Variants in NECAB1 observed in about 807,000 individuals in gnomAD.
NECAB1 encodes the protein N-terminal EF-hand calcium binding protein 1, also known as N-terminal EF-hand calcium-binding protein 1.
Under a neutral mutation model 57.5 loss-of-function variants are expected in NECAB1, and 29 were observed. That is an observed-to-expected ratio of 0.50 (90% CI 0.38 to 0.69). The LOEUF (loss-of-function observed/expected upper bound fraction) is 0.69. NECAB1 is among the 30% of genes least tolerant of loss of function. The pLI is 0.00. For synonymous variants in NECAB1, 142 were observed against 147.7 expected (o/e 0.96, Z 0.28); for missense variants, 372 against 413.8 (o/e 0.90, Z 0.88).
At chr8:90,841,762 G>C (rs1281505994) in intron 3 of NECAB1, among the ~76,000 whole-genome samples, 2 of 152,194 alleles carry the variant, frequency 1.3e-5, no homozygotes, top group Non-Finnish European at 2.9e-5. Context: ...GATGAAAAAT[G>C]GGGAGGCGAC....
chr8:90,887,999 GTAA>G (rs1809050788), intron 5 of NECAB1, among the ~76,000 whole-genome samples: 2 of 152,146 alleles, frequency 1.3e-5, no homozygotes, highest in Non-Finnish European at 2.9e-5. Flanking sequence ...GTCCCTATTA[GTAA>G]TCATTTTTTT....
intron 5 of NECAB1, among the ~76,000 whole-genome samples, chr8:90,893,582 T>C (rs1377605678): frequency 6.6e-6 from 1 of 152,140 alleles, no homozygotes; most frequent in Admixed American, 6.5e-5. Flanking sequence ...GGAGCAGATT[T>C]CTTGAATACA....
chr8:90,798,801 T>C (rs916694711), intron 1 of NECAB1, among the ~76,000 whole-genome samples: 2 of 152,198 alleles, frequency 1.3e-5, no homozygotes, highest in Non-Finnish European at 2.9e-5. Context: ...TTTATTTACT[T>C]TTGAATATAT....
intron 5 of NECAB1, among the ~76,000 whole-genome samples, chr8:90,895,824 A>C (rs920320433): frequency 5.3e-5 from 8 of 152,228 alleles, no homozygotes; most frequent in Non-Finnish European, 4.4e-5. Context: ...TCTGTACAAT[A>C]GATCTGTGGC....
chr8:90,838,783 A>G (rs1812410391), intron 3 of NECAB1, among the ~76,000 whole-genome samples: 1 of 152,210 alleles, frequency 6.6e-6, no homozygotes, highest in Admixed American at 6.5e-5. Flanking sequence ...AATACCTGCT[A>G]TAATCTATAT....
intron 2 of NECAB1, among the ~76,000 whole-genome samples, chr8:90,801,990 T>TGA (rs1811765417): frequency 6.6e-6 from 1 of 152,222 alleles, no homozygotes; most frequent in Non-Finnish European, 1.5e-5. Flanking sequence ...CAAAAAATAA[T>TGA]TTTGCAGCAA....
chr8:90,823,401 T>C (rs1402360129), intron 2 of NECAB1, among the ~76,000 whole-genome samples: 2 of 151,878 alleles, frequency 1.3e-5, no homozygotes, highest in Non-Finnish European at 2.9e-5. Flanking sequence ...TTTTAAAATG[T>C]TGTAGTCTGT....
At chr8:90,897,652 C>T (rs1453704428) in intron 5 of NECAB1, among the ~76,000 whole-genome samples, 1 of 152,186 alleles carries the variant, frequency 6.6e-6, no homozygotes, top group Admixed American at 6.5e-5. Context: ...AAAAAACTAT[C>T]AATTCTTTGA....
chr8:90,888,879 G>A (rs964594556), intron 5 of NECAB1, among the ~76,000 whole-genome samples: 5 of 152,144 alleles, frequency 3.3e-5, no homozygotes, highest in South Asian at 2.1e-4. Context: ...TCTAACAGCC[G>A]TGCAGGGTTA....
At chr8:90,920,957 T>C (rs1339088952) in intron 6 of NECAB1, among the ~76,000 whole-genome samples, 2 of 152,202 alleles carry the variant, frequency 1.3e-5, no homozygotes, top group Non-Finnish European at 2.9e-5. Context: ...CTAACAGTCA[T>C]CTGGGGTTCA....
At chr8:90,936,013 G>C (rs1763711327) in intron 9 of NECAB1, among the ~76,000 whole-genome samples, 1 of 152,062 alleles carries the variant, frequency 6.6e-6, no homozygotes, top group African/African-American at 2.4e-5. Context: ...GAATTGGTTT[G>C]TTTTTTCAGA....
chr8:90,932,893 C>T (rs1810444581), intron 8 of NECAB1, among the ~76,000 whole-genome samples: 1 of 152,068 alleles, frequency 6.6e-6, no homozygotes. Flanking sequence ...AGGACATTAG[C>T]ATTATTCATT....
intron 5 of NECAB1, among the ~76,000 whole-genome samples, chr8:90,916,238 A>G (rs566332033): frequency 2.0e-5 from 3 of 152,342 alleles, no homozygotes; most frequent in East Asian, 3.9e-4. Flanking sequence ...GAGATTTTCT[A>G]TGCTATTACA....
chr8:90,820,956 A>T (rs1332962976), intron 2 of NECAB1, among the ~76,000 whole-genome samples: 1 of 151,858 alleles, frequency 6.6e-6, no homozygotes, highest in Non-Finnish European at 1.5e-5. Context: ...TAATCCTCTC[A>T]ATAGCCAGGC....
At chr8:90,874,995 T>C (rs1808689515) in intron 4 of NECAB1, among the ~76,000 whole-genome samples, 1 of 151,990 alleles carries the variant, frequency 6.6e-6, no homozygotes, top group African/African-American at 2.4e-5. Context: ...CATAACTCAG[T>C]TTTAATTAGG....
intron 7 of NECAB1, among the ~76,000 whole-genome samples, chr8:90,927,755 T>C (rs1810309883): frequency 6.8e-6 from 1 of 147,402 alleles, no homozygotes; most frequent in African/African-American, 2.6e-5. Context: ...CATGTATATA[T>C]ACTCAAGTTA....
At chr8:90,840,272 C>T (rs924207431) in intron 3 of NECAB1, among the ~76,000 whole-genome samples, 18 of 152,160 alleles carry the variant, frequency 1.2e-4, no homozygotes, top group African/African-American at 2.4e-4. Flanking sequence ...ACAATAATAA[C>T]GGTTAACGTT....
chr8:90,955,397 A>G, intron 12 of NECAB1, 90 bp from the exon 13 acceptor site: 1 of 901,698 alleles, frequency 1.1e-6, no homozygotes, highest in South Asian at 1.6e-5. Flanking sequence ...AGGTAAGGGG[A>G]ATGGTCTCTT....
chr8:90,922,485 G>GTT (rs1586127873), intron 6 of NECAB1, among the ~76,000 whole-genome samples: 1 of 65,222 alleles, frequency 1.5e-5, no homozygotes, highest in Non-Finnish European at 2.5e-5. Context: ...CAAAAACTTG[G>GTT]ATTTTTTTTT....
Sources: allele counts gnomAD v4.1 joint callset (sites outside exome capture counted in the v4.1 genomes callset), GRCh38; gene constraint gnomAD v4.1.1; transcripts MANE v1.5; gene names NCBI Gene and HGNC (gene_info 2026-07-23, HGNC 2026-07-21).